Variants in ZNF451 observed in about 807,000 individuals in gnomAD.
The protein encoded by ZNF451 is E3 SUMO-protein ligase ZNF451.
Under a neutral mutation model 107.1 loss-of-function variants are expected in ZNF451, and 80 were observed. The ratio of observed to expected loss-of-function variants is 0.75; its 90% confidence interval spans 0.62 to 0.90. The LOEUF is 0.90. ZNF451 is among the 40% of genes least tolerant of loss of function. ZNF451 has a pLI of 0.00. For missense variants in ZNF451, 1,107 were observed against 1,236.2 expected, an observed-to-expected ratio of 0.90 and a Z score of 1.57; for synonymous variants, 362 against 406.5, an observed-to-expected ratio of 0.89 and a Z score of 1.32.
Position 57,142,073 on chromosome 6 carries a change from A to C in ZNF451, c.982A>C (p.Met328Leu), listed in dbSNP as rs1593148805. Residue 328 changes from methionine to leucine, a missense_variant, in exon 9 of 15, where the codon ATG (methionine) becomes CTG (leucine). Coordinates refer to ENST00000370706, the MANE Select transcript of ZNF451 (RefSeq NM_001031623.3). ...CTGCCACAAGACACTGCGTTCCCAC[A>C]TGGAGCTCACTGCCCATTTCAGGTT... is the stretch of plus-strand genomic sequence containing the variant. ...VACHKTLRSH[M>L]ELTAHFRVHC... 3.7e-6 allele frequency: 6 copies of C among 1,613,186 alleles called. No homozygotes were observed. The African/African-American group carries it at 6.7e-5, about 18-fold the overall frequency.
Position 57,128,014 on chromosome 6 carries a change from TAAAG to T in ZNF451, c.313-713_313-710del, listed in dbSNP as rs1312650221. On this transcript the variant is annotated intron_variant, in intron 4 of 14. Transcript: ENST00000370706. ...CAATGGCACAGTTGAGTAGTGGCAGTAAAGAGTCTATGGCCTGCAAAGCCATAAT... is the reference window on the plus strand; with the variant it reads ...CAATGGCACAGTTGAGTAGTGGCAGTAGTCTATGGCCTGCAAAGCCATAAT... 5.9e-5 allele frequency among the ~76,000 whole-genome samples: 9 copies of T among 152,266 alleles called. No individual in the cohort carries two copies. In the East Asian group the frequency reaches 1.5e-3, roughly 26 times the overall value.
intron 14 of ZNF451, among the ~76,000 whole-genome samples, chr6:57,161,684 G>A (rs1164599349): frequency 6.6e-6 from 1 of 151,820 alleles, no homozygotes; most frequent in Non-Finnish European, 1.5e-5. Flanking sequence ...ATTTTAAAAG[G>A]GTTTTTTTTG....
At chr6:57,094,711 C>T (rs1474386870) in intron 2 of ZNF451, among the ~76,000 whole-genome samples, 1 of 151,968 alleles carries the variant, frequency 6.6e-6, no homozygotes, top group African/African-American at 2.4e-5. Context: ...GTCAGTGTTA[C>T]AAAGTATTCA....
intron 3 of ZNF451, chr6:57,104,916 G>T: frequency 1.0e-6 from 1 of 985,368 alleles, no homozygotes; most frequent in African/African-American, 1.7e-5. Flanking sequence ...CGTTTAATAG[G>T]GATGGGGACA....
At chr6:57,150,619 G>T in intron 10 of ZNF451, 100 bp from the exon 11 acceptor site, 1 of 1,215,778 alleles carries the variant, frequency 8.2e-7, no homozygotes, top group Non-Finnish European at 1.1e-6. Context: ...TTCAAGGTTA[G>T]TATTTTTGCA....
chr6:57,128,805 C>CA lies in ZNF451; in HGVS notation c.391dup (p.Arg131LysfsTer19), dbSNP rs745458345. 3.7e-6 allele frequency: 6 copies of CA among 1,612,790 alleles called. No individual in the cohort carries two copies. The highest frequency in any genetic ancestry group is 5.1e-6 in the Non-Finnish European group (6 of 1,179,358). Reference sequence around the variant, plus strand: ...CGAGGACATTCTGATACAGAAGCAGCAAGACTGTGTGTGGACCAGTGGCTA... The same window carrying CA: ...CGAGGACATTCTGATACAGAAGCAGCAAAGACTGTGTGTGGACCAGTGGCTA... On this transcript the variant is annotated frameshift_variant, in exon 5 of 15. Transcript: ENST00000370706. LOFTEE classifies it high-confidence loss of function.
intron 9 of ZNF451, among the ~76,000 whole-genome samples, chr6:57,143,664 A>G (rs1006349252): frequency 6.6e-6 from 1 of 152,154 alleles, no homozygotes; most frequent in African/African-American, 2.4e-5. Flanking sequence ...TCATTTAACC[A>G]TAGAGTTACC....
In ZNF451 at chr6:57,147,190, C is replaced by A; in HGVS notation, c.1105C>A (p.Gln369Lys). The A allele has an allele frequency of 6.2e-7, 1 of 1,614,048 alleles. No homozygotes were observed. Residue 369 changes from glutamine to lysine, a missense_variant, in exon 10 of 15, where the codon CAA (glutamine) becomes AAA (lysine). Physicochemically the swap from Gln to Lys is moderately conservative, Grantham distance 53 (BLOSUM62 1). Coordinates refer to ENST00000370706, the MANE Select transcript of ZNF451 (RefSeq NM_001031623.3). Reference sequence around the variant, plus strand: ...AAGAGGTTATTGTCCAGATTGCAATCAAGTCTTTGTGGATGAAACCAGCAC... The same window carrying A: ...AAGAGGTTATTGTCCAGATTGCAATAAAGTCTTTGTGGATGAAACCAGCAC... ...ILRGYCPDCNQVFVDETSTQN... is the reference protein window; with the variant it reads ...ILRGYCPDCNKVFVDETSTQN...
intron 6 of ZNF451, among the ~76,000 whole-genome samples, chr6:57,133,838 G>A (rs1373439083): frequency 1.3e-5 from 2 of 152,068 alleles, no homozygotes; most frequent in African/African-American, 4.8e-5. Context: ...ACCACACCCA[G>A]CTAATTTTTG....
chr6:57,107,454 AAATC>A, intron 3 of ZNF451: 1 of 985,412 alleles, frequency 1.0e-6, no homozygotes, highest in Non-Finnish European at 1.2e-6. Context: ...TTTTGAACTT[AAATC>A]AACTTTTAGT....
At chr6:57,127,421 T>C (rs1312881210) in intron 4 of ZNF451, among the ~76,000 whole-genome samples, 3 of 152,246 alleles carry the variant, frequency 2.0e-5, no homozygotes, top group African/African-American at 4.8e-5. Context: ...AACAATGTTA[T>C]GTAGATTTTC....
chr6:57,115,354 A>G (rs1167360449), intron 3 of ZNF451: 1 of 152,178 alleles, frequency 6.6e-6, no homozygotes, highest in Non-Finnish European at 1.5e-5. Flanking sequence ...TTCGTTGATT[A>G]TGGGATTTTG....
intron 2 of ZNF451, among the ~76,000 whole-genome samples, chr6:57,097,790 C>T (rs1209840583): frequency 6.6e-6 from 1 of 152,094 alleles, no homozygotes; most frequent in Non-Finnish European, 1.5e-5. Context: ...TAGATACACC[C>T]TGTGTACCAC....
intron 14 of ZNF451, among the ~76,000 whole-genome samples, chr6:57,161,979 G>A (rs376418357): frequency 1.1e-4 from 16 of 152,158 alleles, no homozygotes; most frequent in East Asian, 9.6e-4. Context: ...CCATTATTTG[G>A]TTGTGTCTTG....
chr6:57,106,803 T>C, intron 3 of ZNF451: 1 of 985,284 alleles, frequency 1.0e-6, no homozygotes, highest in Non-Finnish European at 1.2e-6. Context: ...TTTATCATAG[T>C]AGATACACAA....
intron 7 of ZNF451, among the ~76,000 whole-genome samples, chr6:57,136,632 T>G (rs1271334691): frequency 6.6e-6 from 1 of 152,194 alleles, no homozygotes; most frequent in Non-Finnish European, 1.5e-5. Flanking sequence ...GGGTTTGCAG[T>G]AGGTTACTGA....
intron 12 of ZNF451, among the ~76,000 whole-genome samples, 164 bp downstream of exon 12, chr6:57,152,515 T>C (rs1832398284): frequency 6.6e-6 from 1 of 152,220 alleles, no homozygotes; most frequent in Non-Finnish European, 1.5e-5. Flanking sequence ...TATTGCTTTA[T>C]CCTCAACTTC....
chr6:57,103,973 A>G (rs1562591574), intron 3 of ZNF451: 2 of 985,266 alleles, frequency 2.0e-6, no homozygotes, highest in Non-Finnish European at 2.4e-6. Context: ...AGTTAATTTC[A>G]GGGTACTGTA....
chr6:57,142,180 T>G, intron 9 of ZNF451, 85 bp downstream of exon 9: 1 of 1,416,596 alleles, frequency 7.1e-7, no homozygotes, highest in Non-Finnish European at 9.4e-7. Context: ...CTTTCCATGT[T>G]TCTCTCCTTT....
Sources: allele counts gnomAD v4.1 joint callset (sites outside exome capture counted in the v4.1 genomes callset), GRCh38; gene constraint gnomAD v4.1.1; transcripts MANE v1.5; gene names NCBI Gene and HGNC (gene_info 2026-07-23, HGNC 2026-07-21).